Variants in DOCK4 observed in about 807,000 individuals in gnomAD.
DOCK4 encodes the protein dedicator of cytokinesis protein 4.
Under a neutral mutation model 268.1 loss-of-function variants are expected in DOCK4, and 97 were observed. The observed-to-expected ratio is 0.36, with a 90% CI of 0.31 to 0.43. The LOEUF is 0.43. Among genes scored for constraint, DOCK4 ranks in the 20% least tolerant of loss-of-function variants. DOCK4 has a pLI of 1.00. For missense variants in DOCK4, 2,145 were observed against 2,455.7 expected (o/e 0.87, Z 2.67); for synonymous variants, 954 against 887.2 (o/e 1.08, Z -1.34).
intron 1 of DOCK4, among the ~76,000 whole-genome samples, chr7:112,118,278 T>C (rs1029473510): frequency 6.6e-6 from 1 of 152,104 alleles, no homozygotes; most frequent in South Asian, 2.1e-4. Context: ...CTATATTCAA[T>C]TTTCTCCTTC....
intron 1 of DOCK4, among the ~76,000 whole-genome samples, chr7:112,068,019 A>T (rs1807244818): frequency 1.0e-5 from 1 of 99,308 alleles, no homozygotes; most frequent in African/African-American, 1.1e-4. Flanking sequence ...TACAGAGCCA[A>T]GAAAATTATG....
intron 49 of DOCK4, among the ~76,000 whole-genome samples, chr7:111,737,532 T>G (rs1280260575): frequency 6.6e-6 from 1 of 151,910 alleles, no homozygotes; most frequent in Non-Finnish European, 1.5e-5. Flanking sequence ...TGAGTGAAAT[T>G]TAACCCCTGC....
chr7:112,127,982 T>C lies in DOCK4; in HGVS notation c.37+78120A>G, dbSNP rs1400687829. Among the ~76,000 whole-genome samples the C allele has an allele frequency of 3.9e-5, 6 of 152,152 alleles. No homozygotes were observed. The East Asian group carries it at 5.8e-4, about 15-fold the overall frequency. On this transcript the variant is annotated intron_variant, in intron 1 of 52. Coordinates refer to ENST00000428084, the MANE Select transcript of DOCK4 (RefSeq NM_001363540.2). Reference sequence around the variant, plus strand: ...AGGCAGAGGTTGCAGTGAGCCAAGATTGTGCCACTGCACTCCAGCCTGGGC... The same window carrying C: ...AGGCAGAGGTTGCAGTGAGCCAAGACTGTGCCACTGCACTCCAGCCTGGGC...
chr7:112,100,811 A>C (rs1380736052), intron 1 of DOCK4, among the ~76,000 whole-genome samples: 1 of 152,222 alleles, frequency 6.6e-6, no homozygotes, highest in Admixed American at 6.5e-5. Context: ...ATGAATAATG[A>C]AAGTTATATA....
At chr7:112,186,698 C>T (rs1819518011) in intron 1 of DOCK4, among the ~76,000 whole-genome samples, 1 of 152,132 alleles carries the variant, frequency 6.6e-6, no homozygotes, top group Non-Finnish European at 1.5e-5. Context: ...AAAGAATCTT[C>T]TCATTGTCCT....
intron 16 of DOCK4, among the ~76,000 whole-genome samples, chr7:111,885,674 C>A (rs1344655272): frequency 6.6e-6 from 1 of 152,168 alleles, no homozygotes; most frequent in Non-Finnish European, 1.5e-5. Flanking sequence ...TAGTTCTCTG[C>A]ATTTGCTATG....
Position 112,099,300 on chromosome 7 carries a change from A to G in DOCK4, c.38-95169T>C, listed in dbSNP as rs112199180. 8.6e-3 allele frequency among the ~76,000 whole-genome samples: 1,282 copies of G among 149,446 alleles called. 16 individuals carry two copies. The highest frequency in any genetic ancestry group is 0.029 in the African/African-American group (1,203 of 40,952). On this transcript the variant is annotated intron_variant, in intron 1 of 52. Coordinates refer to ENST00000428084, the MANE Select transcript of DOCK4 (RefSeq NM_001363540.2). ...GAGCAAGACCCTGTCTCGGATTTAA[A>G]AAAAAAAAAAAAAAAAAAGTAGTCC...
At chr7:111,848,189 G>GA (rs533290679) in intron 23 of DOCK4, among the ~76,000 whole-genome samples, 216 of 152,186 alleles carry the variant, frequency 1.4e-3, no homozygotes, top group African/African-American at 4.9e-3. Context: ...GCTTTTCTAG[G>GA]ATGTTTCCCC....
chr7:111,801,777 C>A (rs1454531327), intron 30 of DOCK4: 6 of 150,798 alleles, frequency 4.0e-5, no homozygotes, highest in Non-Finnish European at 7.4e-5. Context: ...GCAAGCTCCG[C>A]CTCCTGGGTT....
intron 1 of DOCK4, among the ~76,000 whole-genome samples, chr7:112,117,038 C>T (rs994224896): frequency 1.3e-5 from 2 of 152,144 alleles, no homozygotes; most frequent in Non-Finnish European, 2.9e-5. Flanking sequence ...CTGAAGACTC[C>T]CAGGTGAACC....
chr7:111,844,106 C>T (rs920194859), intron 25 of DOCK4, among the ~76,000 whole-genome samples: 1 of 152,086 alleles, frequency 6.6e-6, no homozygotes, highest in African/African-American at 2.4e-5. Flanking sequence ...GAAACTCTGT[C>T]TGTATTAAAA....
chr7:111,739,691 GT>G, intron 47 of DOCK4: 1 of 557,474 alleles, frequency 1.8e-6, no homozygotes, highest in Non-Finnish European at 3.2e-6. Flanking sequence ...ATGCCTTCGT[GT>G]TAGATTCAGC....
At chr7:111,813,361 T>A (rs1801285463) in intron 27 of DOCK4, among the ~76,000 whole-genome samples, 1 of 149,048 alleles carries the variant, frequency 6.7e-6, no homozygotes. Context: ...AATATAGACT[T>A]TGAAAGACAT....
intron 1 of DOCK4, among the ~76,000 whole-genome samples, chr7:112,147,795 ATTTTTTTTTTTTTTTT>A (rs553280609): frequency 1.8e-4 from 19 of 102,894 alleles, no homozygotes; most frequent in East Asian, 9.1e-4. Flanking sequence ...GCAAACGTAG[ATTTTTTTTTTTTTTTT>A]TTTTTTTTTT....
At chr7:111,739,041 TGCTTTTG>T in intron 49 of DOCK4, 86 bp downstream of exon 49, 2 of 1,046,978 alleles carry the variant, frequency 1.9e-6, no homozygotes, top group Non-Finnish European at 2.9e-6. Context: ...CCCAGCTGCT[TGCTTTTG>T]GCAGCTACCG....
chr7:111,823,502 C>G (rs1413593983), intron 26 of DOCK4, among the ~76,000 whole-genome samples: 1 of 152,104 alleles, frequency 6.6e-6, no homozygotes, highest in African/African-American at 2.4e-5. Flanking sequence ...GCCACCAGGC[C>G]TGGCCGGTAT....
rs1795558783 is a variant in DOCK4, at chr7:111,945,633, T to C, written c.783+84A>G. 4.3e-6 allele frequency: 5 copies of C among 1,173,114 alleles called. No homozygotes were observed. The South Asian group carries it at 4.3e-5, about 10-fold the overall frequency. The allele number at this position is 1,173,114 out of a possible 1,614,324, so 72.7% of individuals were successfully genotyped here. On this transcript the variant is annotated intron_variant, in intron 9 of 52. Coordinates refer to ENST00000428084, the MANE Select transcript of DOCK4 (RefSeq NM_001363540.2). ...AAGTTTAAAAGCAAATTCACTATGT[T>C]CTCTCACAGTAATTTATTTCTCCTA...
At chr7:112,069,272 G>C (rs1313803661) in intron 1 of DOCK4, among the ~76,000 whole-genome samples, 1 of 152,180 alleles carries the variant, frequency 6.6e-6, no homozygotes, top group East Asian at 1.9e-4. Context: ...TGGCACTGCA[G>C]GCTAAATGTT....
chr7:111,834,627 T>C lies in DOCK4; in HGVS notation c.2796A>G (p.Gln932=). 3 of 1,560,056 alleles carry C rather than the reference T, an allele frequency of 1.9e-6. No homozygotes were observed. The highest frequency in any genetic ancestry group is 1.2e-5 in the South Asian group (1 of 84,052). ...TTGTATTAAAACTATCAAGAAGCTGTTGATAATGTCTATCTGTCATTTGTC... is the reference window on the plus strand; with the variant it reads ...TTGTATTAAAACTATCAAGAAGCTGCTGATAATGTCTATCTGTCATTTGTC... ...LLRQMTDRHY[Q]QLLDSFNTKE... is the part of the protein sequence containing the mutation. The change falls in exon 26 of 53, where the codon CAA becomes CAG. Residue 932 remains glutamine (Q), a synonymous_variant. Coordinates refer to ENST00000428084, the MANE Select transcript of DOCK4 (RefSeq NM_001363540.2).
Sources: gnomAD v4.1 joint callset for allele counts (sites outside exome capture counted in the v4.1 genomes callset) on GRCh38, gnomAD v4.1.1 for gene constraint, MANE v1.5 for transcripts, NCBI Gene and HGNC (gene_info 2026-07-23, HGNC 2026-07-21) for gene names.